The following ARHGAP22 variants were observed in gnomAD, a reference collection of about 807,000 sequenced individuals.
The protein encoded by ARHGAP22 is Rho GTPase activating protein 22.
In ARHGAP22, 48 loss-of-function variants were observed where a neutral mutation model predicts 59.1. That is an observed-to-expected ratio of 0.81 (90% CI 0.64 to 1.03). ARHGAP22 has a LOEUF of 1.03. Ranked by LOEUF, ARHGAP22 falls within the 50% of genes least tolerant of loss-of-function variation. ARHGAP22 has a pLI of 0.00. For missense variants in ARHGAP22, 1,015 were observed against 958.7 expected, an observed-to-expected ratio of 1.06 and a Z score of -0.78; for synonymous variants, 445 against 416.4, an observed-to-expected ratio of 1.07 and a Z score of -0.84.
At chr10:48,447,417 A>G (rs2045468646) in intron 9 of ARHGAP22, among the ~76,000 whole-genome samples, 1 of 152,226 alleles carries the variant, frequency 6.6e-6, no homozygotes, top group Admixed American at 6.5e-5. Context: ...TGCAGAGGGT[A>G]ACTGCTCCTC....
chr10:48,483,123 C>T (rs1189218836), intron 3 of ARHGAP22, among the ~76,000 whole-genome samples: 4 of 152,036 alleles, frequency 2.6e-5, no homozygotes, highest in Non-Finnish European at 4.4e-5. Flanking sequence ...TTTCTATGGC[C>T]GAATAGTATA....
At chr10:48,505,566 C>T (rs926695340) in intron 3 of ARHGAP22, among the ~76,000 whole-genome samples, 4 of 152,040 alleles carry the variant, frequency 2.6e-5, no homozygotes, top group African/African-American at 7.2e-5. Context: ...CATCACAAAA[C>T]CTCCCAGAGC....
At chr10:48,568,426 T>C (rs970029651) in intron 2 of ARHGAP22, among the ~76,000 whole-genome samples, 2 of 152,240 alleles carry the variant, frequency 1.3e-5, no homozygotes, top group Admixed American at 1.3e-4. Context: ...CTGAAGTACC[T>C]GGTGTTCCAT....
chr10:48,528,802 C>T (rs2054564121), intron 3 of ARHGAP22, among the ~76,000 whole-genome samples: 1 of 152,030 alleles, frequency 6.6e-6, no homozygotes, highest in South Asian at 2.1e-4. Context: ...TATGAGATCT[C>T]CTCCTTTTTC....
chr10:48,565,689 A>G (rs1398089783), intron 2 of ARHGAP22, among the ~76,000 whole-genome samples: 4 of 152,120 alleles, frequency 2.6e-5, no homozygotes, highest in Non-Finnish European at 5.9e-5. Context: ...TGGTTTCTTT[A>G]TGTGTAAAAA....
chr10:48,594,425 TG>T (rs2059944309), intron 1 of ARHGAP22, among the ~76,000 whole-genome samples: 1 of 152,106 alleles, frequency 6.6e-6, no homozygotes, highest in African/African-American at 2.4e-5. Context: ...GGATCACTCA[TG>T]GGCCGAGCCC....
intron 3 of ARHGAP22, among the ~76,000 whole-genome samples, chr10:48,553,646 C>T (rs557806562): frequency 6.6e-6 from 1 of 152,254 alleles, no homozygotes; most frequent in South Asian, 2.1e-4. Context: ...GAATAATGGT[C>T]CTCAAAGATG....
chr10:48,581,930 C>T (rs370343552), intron 2 of ARHGAP22, among the ~76,000 whole-genome samples: 2 of 152,206 alleles, frequency 1.3e-5, no homozygotes, highest in African/African-American at 2.4e-5. Context: ...TCCCTTTTCA[C>T]CCCTGTGCCC....
chr10:48,519,642 C>T (rs1056352720), intron 3 of ARHGAP22, among the ~76,000 whole-genome samples: 7 of 152,230 alleles, frequency 4.6e-5, no homozygotes, highest in African/African-American at 9.6e-5. Context: ...CCAGGCTCAC[C>T]GCACCAAAGG....
intron 3 of ARHGAP22, chr10:48,524,149 C>A: frequency 8.2e-7 from 1 of 1,225,710 alleles, no homozygotes; most frequent in South Asian, 3.2e-5. Flanking sequence ...TCCCCGCCTG[C>A]CGCCTGCGCC....
chr10:48,498,446 G>T (rs919435447), intron 3 of ARHGAP22, among the ~76,000 whole-genome samples: 5 of 152,110 alleles, frequency 3.3e-5, no homozygotes, highest in South Asian at 2.1e-4. Flanking sequence ...CCAGTGAAGT[G>T]AAGTGGCCCA....
intron 3 of ARHGAP22, among the ~76,000 whole-genome samples, chr10:48,538,874 T>C (rs1330582340): frequency 6.6e-6 from 1 of 152,172 alleles, no homozygotes; most frequent in Non-Finnish European, 1.5e-5. Flanking sequence ...CTGGAGAAGA[T>C]GACCACAAAC....
At chr10:48,612,977 T>C (rs1341363079) in intron 1 of ARHGAP22, among the ~76,000 whole-genome samples, 7 of 152,210 alleles carry the variant, frequency 4.6e-5, no homozygotes, top group African/African-American at 1.4e-4. Flanking sequence ...TTAGGACCGA[T>C]AGTAATCTCA....
chr10:48,457,879 C>T lies in ARHGAP22; in HGVS notation c.659+1805G>A, dbSNP rs553704862. On this transcript the variant is annotated intron_variant, in intron 5 of 9. Coordinates refer to ENST00000249601, the MANE Select transcript of ARHGAP22 (RefSeq NM_021226.4). ...TGGCCTTGGGGAGAGAGCTCCATCC[C>T]GGGACCCTCTGTTGGAAGTGGGTGA... 8.6e-5 allele frequency among the ~76,000 whole-genome samples: 12 copies of T among 139,352 alleles called. No individual in the cohort carries two copies. In the East Asian group the frequency reaches 2.1e-3, roughly 24 times the overall value. The allele number at this position is 139,352 out of a possible 152,430, so 91.4% of individuals were successfully genotyped here.
intron 1 of ARHGAP22, among the ~76,000 whole-genome samples, chr10:48,602,265 A>G (rs2060428787): frequency 6.6e-6 from 1 of 152,150 alleles, no homozygotes; most frequent in South Asian, 2.1e-4. Flanking sequence ...ACATTCATCA[A>G]GGCTCCTGAG....
upstream of ARHGAP22, among the ~76,000 whole-genome samples, chr10:48,606,230 T>C (rs1052270619): frequency 5.7e-4 from 86 of 152,062 alleles, no homozygotes; most frequent in African/African-American, 2.0e-3. Context: ...AAGTGTCCTA[T>C]TGGTATGTAA....
chr10:48,448,360 T>G (rs981855625), intron 9 of ARHGAP22, among the ~76,000 whole-genome samples: 1 of 152,192 alleles, frequency 6.6e-6, no homozygotes, highest in Non-Finnish European at 1.5e-5. Context: ...TAACACACCG[T>G]GTATTTTTAA....
At chr10:48,638,956 A>T (rs955584369) in intron 1 of ARHGAP22, among the ~76,000 whole-genome samples, 1 of 152,260 alleles carries the variant, frequency 6.6e-6, no homozygotes, top group Admixed American at 6.5e-5. Flanking sequence ...AAAAACTGAC[A>T]TAAACAACCA....
At chr10:48,466,240 G>A (rs2047659878) in intron 4 of ARHGAP22, among the ~76,000 whole-genome samples, 1 of 141,296 alleles carries the variant, frequency 7.1e-6, no homozygotes, top group Non-Finnish European at 1.5e-5. Flanking sequence ...GTAGTTCGGG[G>A]TGGGGAGGGA....
Sources: gnomAD v4.1 joint callset for allele counts (sites outside exome capture counted in the v4.1 genomes callset) on GRCh38, gnomAD v4.1.1 for gene constraint, MANE v1.5 for transcripts, NCBI Gene and HGNC (gene_info 2026-07-23, HGNC 2026-07-21) for gene names.